Variants in MYL2 observed in about 807,000 individuals in gnomAD.
MYL2 encodes the protein myosin light chain 2, also known as myosin regulatory light chain 2, ventricular/cardiac muscle isoform.
In MYL2, 19 loss-of-function variants were observed where a neutral mutation model predicts 23.0. That is an observed-to-expected ratio of 0.83 (90% confidence interval 0.58 to 1.21). The LOEUF is 1.21. Ranked by LOEUF, MYL2 falls within the 50% of genes most tolerant of loss-of-function variation. The pLI is 0.00. For synonymous variants in MYL2, 78 were observed against 76.2 expected, an observed-to-expected ratio of 1.02 and a Z score of -0.13; for missense variants, 180 against 215.1, an observed-to-expected ratio of 0.84 and a Z score of 1.02.
chr12:110,914,419 A>G, intron 3 of MYL2, 129 bp from the exon 4 acceptor site: 1 of 720,044 alleles, frequency 1.4e-6, no homozygotes, highest in Non-Finnish European at 2.5e-6. Flanking sequence ...GGGTGGATGG[A>G]GGCAAAGATC....
rs200007468 is a variant in MYL2, at chr12:110,914,169, C to CAG, written c.274+16_274+17insCT. 0.014 allele frequency: 22,019 copies of CAG among 1,581,740 alleles called. 227 individuals are homozygous for CAG. Among genetic ancestry groups the CAG allele is most frequent in the Non-Finnish European group, 0.015 (17,230 of 1,150,570 alleles). ...AGACACATACACACAGACACACACA[C>CAG]ACACACACGACCTTACCCTTAAGTT... On this transcript the variant is annotated intron_variant, in intron 4 of 6. Transcript: ENST00000228841.
chr12:110,918,966 G>C lies in MYL2; in HGVS notation c.93+138C>G, dbSNP rs1438869922. 1.3e-5 allele frequency: 10 copies of C among 751,852 alleles called. No individual in the cohort carries two copies. Among genetic ancestry groups the C allele is most frequent in the African/African-American group, 3.5e-5 (2 of 57,722 alleles). The allele number at this position is 751,852 out of a possible 1,614,324, so 46.6% of individuals were successfully genotyped here. On this transcript the variant is annotated intron_variant, in intron 2 of 6. Coordinates refer to ENST00000228841, the MANE Select transcript of MYL2 (RefSeq NM_000432.4). This position sits in a 1 kb window ranked among gnomAD's most constrained non-coding sequence, Gnocchi z 4.4. ...GTTTCTTTTAAAAATTCACACATCC[G>C]TTCAGGCCGAATTTGGGATTGTTTG... is the stretch of plus-strand genomic sequence containing the variant.
chr12:110,920,459 C>G, intron 1 of MYL2, 68 bp downstream of exon 1: 1 of 1,612,540 alleles, frequency 6.2e-7, no homozygotes, highest in Non-Finnish European at 8.5e-7. Context: ...CGCCGTGGTC[C>G]CTCGCTTGTA....
At chr12:110,921,109 A>T (rs1388272940), upstream of MYL2, among the ~76,000 whole-genome samples, 1 of 152,220 alleles carries the variant, frequency 6.6e-6, no homozygotes, top group East Asian at 1.9e-4. Flanking sequence ...CTGAAATCCC[A>T]GCACGGCGGG....
chr12:110,913,342 G>A lies in MYL2; in HGVS notation c.275-18C>T. 1 of 1,614,104 alleles carries A rather than the reference G, an allele frequency of 6.2e-7. No homozygotes were observed. Among genetic ancestry groups the A allele is most frequent in the Non-Finnish European group, 8.5e-7 (1 of 1,179,922 alleles). Reference sequence around the variant, plus strand: ...GTCCGCTCCTGAAACGGAACACAGGGCTTACATGTACTGGGGGTGGCTGGG... The same window carrying A: ...GTCCGCTCCTGAAACGGAACACAGGACTTACATGTACTGGGGGTGGCTGGG... On this transcript the variant is annotated intron_variant, in intron 4 of 6. Coordinates refer to ENST00000228841, the MANE Select transcript of MYL2 (RefSeq NM_000432.4).
chr12:110,914,459 A>G, intron 3 of MYL2, 169 bp from the exon 4 acceptor site: 1 of 648,532 alleles, frequency 1.5e-6, no homozygotes, highest in South Asian at 1.6e-5. Flanking sequence ...TGACAGTGTT[A>G]TTTATAATAA....
intron 2 of MYL2, 105 bp from the exon 3 acceptor site, chr12:110,915,895 G>C: frequency 1.1e-6 from 1 of 892,814 alleles, no homozygotes; most frequent in Non-Finnish European, 1.9e-6. Flanking sequence ...GATCTTCAAA[G>C]ATCATTGTAG....
intron 1 of MYL2, 81 bp downstream of exon 1, chr12:110,920,446 C>A (rs926607161): frequency 6.8e-6 from 11 of 1,607,216 alleles, no homozygotes; most frequent in Non-Finnish European, 9.4e-6. Flanking sequence ...CTTCCTCCCC[C>A]TCCGCCGTGG....
Position 110,911,059 on chromosome 12 carries a change from G to A in MYL2, c.*18C>T, listed in dbSNP as rs550546518. 2.9e-5 allele frequency: 46 copies of A among 1,606,582 alleles called. No homozygotes were observed. Among genetic ancestry groups the A allele is most frequent in the Non-Finnish European group, 3.3e-5 (39 of 1,173,292 alleles). Reference sequence around the variant, plus strand: ...CACTCTGCAAAGACGAGCCCAGGGCGCAGCAGCGAGCCCCCTCCTAGTCCT... The same window carrying A: ...CACTCTGCAAAGACGAGCCCAGGGCACAGCAGCGAGCCCCCTCCTAGTCCT... On this transcript the variant is annotated 3_prime_UTR_variant, in exon 7 of 7. Coordinates refer to ENST00000228841, the MANE Select transcript of MYL2 (RefSeq NM_000432.4).
intron 1 of MYL2, among the ~76,000 whole-genome samples, chr12:110,919,950 A>G (rs976886994): frequency 6.6e-6 from 1 of 152,182 alleles, no homozygotes; most frequent in African/African-American, 2.4e-5. Flanking sequence ...AAGATCACAC[A>G]GCCACACACA....
chr12:110,921,289 A>G (rs941855045), upstream of MYL2, among the ~76,000 whole-genome samples: 1 of 152,126 alleles, frequency 6.6e-6, no homozygotes, highest in Non-Finnish European at 1.5e-5. Context: ...TGGGCCCGGG[A>G]GGTTGAGGCT....
At chr12:110,916,324 A>G (rs1429281884) in intron 2 of MYL2, among the ~76,000 whole-genome samples, 12 of 152,268 alleles carry the variant, frequency 7.9e-5, no homozygotes, top group Admixed American at 7.8e-4. Flanking sequence ...TGACAGAGCA[A>G]GACTCCATCT....
chr12:110,914,132 C>G (rs867231722), intron 4 of MYL2, 54 bp downstream of exon 4: 3 of 1,339,700 alleles, frequency 2.2e-6, no homozygotes, highest in Admixed American at 1.7e-5. Flanking sequence ...GCCAGCCCCC[C>G]CGAAGAAACA....
intron 4 of MYL2, 78 bp from the exon 5 acceptor site, chr12:110,913,402 C>A: frequency 6.8e-7 from 1 of 1,474,710 alleles, no homozygotes; most frequent in Non-Finnish European, 9.5e-7. Context: ...GGCCCAAGTT[C>A]CCCCAGAGAT....
intron 6 of MYL2, among the ~76,000 whole-genome samples, chr12:110,912,658 C>G (rs2071661221): frequency 6.6e-6 from 1 of 152,192 alleles, no homozygotes; most frequent in South Asian, 2.1e-4. Flanking sequence ...CTCCCGGGTT[C>G]AAGCGATTCT....
Position 110,918,349 on chromosome 12 carries a change from AAGATACT to A in MYL2, c.93+748_93+754del, listed in dbSNP as rs2071699437. Among the ~76,000 whole-genome samples the A allele has an allele frequency of 1.3e-5, 2 of 152,158 alleles. No homozygotes were observed. Among genetic ancestry groups the A allele is most frequent in the African/African-American group, 4.8e-5 (2 of 41,444 alleles). The stretch of plus-strand genomic sequence containing the variant: ...AAAGACTGTAAAATGTAAAACCCAG[AAGATACT>A]GCTTTTCACCTCTCAGACTGGCAAA... On this transcript the variant is annotated intron_variant, in intron 2 of 6. Transcript: ENST00000228841. The surrounding 1 kb of genome is among the most constrained non-coding windows in gnomAD (Gnocchi z 4.4).
At chr12:110,911,547 C>CCTTGCCCTTCCCTGTTCTTCCTTT (rs1426940690) in intron 6 of MYL2, among the ~76,000 whole-genome samples, 5 of 152,286 alleles carry the variant, frequency 3.3e-5, no homozygotes, top group Admixed American at 1.3e-4. Flanking sequence ...ACTTTTCCTT[C>CCTTGCCCTTCCCTGTTCTTCCTTT]CTTGCCCTTC....
chr12:110,920,024 A>G (rs2071710710), intron 1 of MYL2, among the ~76,000 whole-genome samples: 1 of 151,828 alleles, frequency 6.6e-6, no homozygotes, highest in South Asian at 2.1e-4. Flanking sequence ...GGGCATTCTG[A>G]CTCCAGAGTT....
At chr12:110,916,026 A>T (rs1161344033) in intron 2 of MYL2, among the ~76,000 whole-genome samples, 1 of 152,184 alleles carries the variant, frequency 6.6e-6, no homozygotes, top group Admixed American at 6.5e-5. Flanking sequence ...AGAATTGAAA[A>T]CATGTCCACA....
Sources: allele counts gnomAD v4.1 joint callset (sites outside exome capture counted in the v4.1 genomes callset), GRCh38; gene constraint gnomAD v4.1.1; non-coding constraint Gnocchi (gnomAD v3.1); transcripts MANE v1.5; gene names NCBI Gene and HGNC (gene_info 2026-07-23, HGNC 2026-07-21).